The following KCNH5 variants were observed in gnomAD, a reference collection of about 807,000 sequenced individuals.
The protein encoded by KCNH5 is potassium voltage-gated channel subfamily H member 5.
In KCNH5, 46 loss-of-function variants were observed where a neutral mutation model predicts 96.1. The ratio of observed to expected loss-of-function variants is 0.48; its 90% CI spans 0.38 to 0.61. The LOEUF is 0.61. KCNH5 is among the 20% of genes least tolerant of loss of function. The probability of loss-of-function intolerance (pLI) is 0.00; values close to 1 mark genes in which losing one functional copy is unlikely to be tolerated. For missense variants in KCNH5, 907 were observed against 1,225.8 expected (o/e 0.74, Z 3.88); for synonymous variants, 439 against 449.8 (o/e 0.98, Z 0.30).
intron 7 of KCNH5, among the ~76,000 whole-genome samples, chr14:62,947,525 A>C (rs1889912349): frequency 6.6e-6 from 1 of 152,320 alleles, no homozygotes; most frequent in African/African-American, 2.4e-5. Flanking sequence ...TTAGACAAAC[A>C]GAAGCTGAAC....
chr14:63,033,909 T>A lies in KCNH5; in HGVS notation c.73+11205A>T, dbSNP rs574906821. On this transcript the variant is annotated intron_variant, in intron 1 of 10. Coordinates refer to ENST00000322893, the MANE Select transcript of KCNH5 (RefSeq NM_139318.5). ...TTGTGAATTTAAATCATGCAGTCTG[T>A]ATTATTTTTGTTTGTTTGTTTTTTG... Among the ~76,000 whole-genome samples, 49 of 152,174 alleles carry A rather than the reference T, an allele frequency of 3.2e-4. 2 individuals are homozygous for A. The South Asian group carries it at 8.9e-3, about 28-fold the overall frequency.
chr14:63,010,497 T>A (rs572965133), intron 2 of KCNH5, among the ~76,000 whole-genome samples: 1 of 152,136 alleles, frequency 6.6e-6, no homozygotes, highest in African/African-American at 2.4e-5. Flanking sequence ...TCTTCTTTCT[T>A]CACAAGCCCA....
chr14:63,026,264 G>C (rs1157725928), intron 1 of KCNH5, among the ~76,000 whole-genome samples: 1 of 151,964 alleles, frequency 6.6e-6, no homozygotes, highest in Non-Finnish European at 1.5e-5. Flanking sequence ...AAAACTGCTG[G>C]AAGAAAACAT....
Position 62,802,782 on chromosome 14 carries a change from C to T in KCNH5, c.1570-201G>A, listed in dbSNP as rs1292508395. Among the ~76,000 whole-genome samples, 5 of 152,284 alleles carry T rather than the reference C, an allele frequency of 3.3e-5. No individual in the cohort carries two copies. In the East Asian group the frequency reaches 9.7e-4, roughly 29 times the overall value. The stretch of plus-strand genomic sequence containing the variant: ...TAATCCACTGAGATGGGCTGATGAG[C>T]ATATGGACCATGACAATGCAGAACT... On this transcript the variant is annotated intron_variant, in intron 8 of 10. Transcript: ENST00000322893.
chr14:63,035,797 A>T (rs1409688848), intron 1 of KCNH5, among the ~76,000 whole-genome samples: 1 of 152,228 alleles, frequency 6.6e-6, no homozygotes, highest in Non-Finnish European at 1.5e-5. Context: ...CAGGTTAAAA[A>T]AAATCTCCCC....
chr14:62,970,773 T>C (rs1890391997), intron 6 of KCNH5, among the ~76,000 whole-genome samples: 1 of 151,728 alleles, frequency 6.6e-6, no homozygotes, highest in African/African-American at 2.4e-5. Flanking sequence ...TGGATGTAGA[T>C]AAATCATTTA....
At chr14:63,043,005 C>G (rs2139635971) in intron 1 of KCNH5, among the ~76,000 whole-genome samples, 1 of 151,940 alleles carries the variant, frequency 6.6e-6, no homozygotes, top group Admixed American at 6.6e-5. Context: ...TTGGTATTGT[C>G]CAGGAAAGAA....
intron 10 of KCNH5, among the ~76,000 whole-genome samples, chr14:62,715,973 G>T (rs1884676814): frequency 6.6e-6 from 1 of 152,154 alleles, no homozygotes; most frequent in South Asian, 2.1e-4. Flanking sequence ...TACTAATACA[G>T]TTACTGAAAT....
intron 7 of KCNH5, among the ~76,000 whole-genome samples, chr14:62,922,003 T>C (rs936663955): frequency 1.3e-5 from 2 of 152,000 alleles, no homozygotes; most frequent in Non-Finnish European, 2.9e-5. Context: ...CTGTGTAACA[T>C]AGGTAGGACT....
intron 8 of KCNH5, among the ~76,000 whole-genome samples, chr14:62,839,311 T>C (rs1377281680): frequency 6.6e-6 from 1 of 152,164 alleles, no homozygotes. Flanking sequence ...GAAAACAAAA[T>C]GGTTATATAA....
At chr14:62,810,018 GAA>G (rs1008872837) in intron 8 of KCNH5, among the ~76,000 whole-genome samples, 40 of 152,168 alleles carry the variant, frequency 2.6e-4, no homozygotes, top group Middle Eastern at 3.4e-3. Context: ...CCTAGTTCAT[GAA>G]AAGTCTTCTA....
At chr14:62,717,740 T>A (rs574035131) in intron 10 of KCNH5, among the ~76,000 whole-genome samples, 1 of 152,318 alleles carries the variant, frequency 6.6e-6, no homozygotes, top group Admixed American at 6.5e-5. Flanking sequence ...AGACAATGGT[T>A]TCGTAGATAG....
chr14:62,936,520 CA>C (rs1333117171), intron 7 of KCNH5, among the ~76,000 whole-genome samples: 1 of 150,988 alleles, frequency 6.6e-6, no homozygotes, highest in Non-Finnish European at 1.5e-5. Context: ...CCAAAAAATA[CA>C]AAAATCAGCC....
chr14:62,965,618 G>A (rs748602075), intron 6 of KCNH5, among the ~76,000 whole-genome samples: 9 of 151,532 alleles, frequency 5.9e-5, no homozygotes, highest in Non-Finnish European at 1.0e-4. Flanking sequence ...TACACATAAT[G>A]GACTAAGAGA....
rs149314379 is a variant in KCNH5, at chr14:62,968,562, T to C, written c.942+12310A>G. Among the ~76,000 whole-genome samples the C allele has an allele frequency of 5.3e-5, 8 of 152,242 alleles. No individual in the cohort carries two copies. In the East Asian group the frequency reaches 1.5e-3, roughly 29 times the overall value. Reference sequence around the variant, plus strand: ...CAACTCATGAGAGGAAATGTGAACATAGTGGTCAAAGGATATGCCCTATAG... The same window carrying C: ...CAACTCATGAGAGGAAATGTGAACACAGTGGTCAAAGGATATGCCCTATAG... On this transcript the variant is annotated intron_variant, in intron 6 of 10. Coordinates refer to ENST00000322893, the MANE Select transcript of KCNH5 (RefSeq NM_139318.5).
chr14:62,982,379 A>G (rs917207294), intron 5 of KCNH5, among the ~76,000 whole-genome samples: 1 of 152,208 alleles, frequency 6.6e-6, no homozygotes, highest in Non-Finnish European at 1.5e-5. Context: ...GCCCTGTGCC[A>G]TCAATGAAGC....
At chr14:62,922,940 C>T (rs546871771) in intron 7 of KCNH5, among the ~76,000 whole-genome samples, 1 of 151,620 alleles carries the variant, frequency 6.6e-6, no homozygotes, top group Non-Finnish European at 1.5e-5. Flanking sequence ...AGTCTTAGAG[C>T]AATTAGGCAA....
At position 62,886,121 on chromosome 14, in the gene KCNH5, G is replaced by GACACACACAC. The variant is rs58900799; in HGVS notation, c.1370-36279_1370-36270dup. On this transcript the variant is annotated intron_variant, in intron 7 of 10. Transcript: ENST00000322893. ...CCTTGAAAACACAGCACCTGCAGAG[G>GACACACACAC]ACACACACACACACACACACACACA... 3.6e-3 allele frequency among the ~76,000 whole-genome samples: 534 copies of GACACACACAC among 147,898 alleles called. 6 individuals carry two copies. Among genetic ancestry groups the GACACACACAC allele is most frequent in the Middle Eastern group, 0.01 (3 of 288 alleles).
Position 63,026,285 on chromosome 14 carries a change from C to T in KCNH5, c.74-9331G>A, listed in dbSNP as rs564230668. On this transcript the variant is annotated intron_variant, in intron 1 of 10. Transcript: ENST00000322893. ...GCTGGAAGAAAACATAGAAGGAAAGCTACAAGACATTGGTCTGAGCAAAGA... is the reference window on the plus strand; with the variant it reads ...GCTGGAAGAAAACATAGAAGGAAAGTTACAAGACATTGGTCTGAGCAAAGA... Among the ~76,000 whole-genome samples, 27 of 152,120 alleles carry T rather than the reference C, an allele frequency of 1.8e-4. No individual in the cohort carries two copies. In the South Asian group the frequency reaches 3.7e-3, roughly 21 times the overall value.
Sources: gnomAD v4.1 joint callset for allele counts (sites outside exome capture counted in the v4.1 genomes callset) on GRCh38, gnomAD v4.1.1 for gene constraint, MANE v1.5 for transcripts, NCBI Gene and HGNC (gene_info 2026-07-23, HGNC 2026-07-21) for gene names.